Variants in SPTLC3 observed in about 807,000 individuals in gnomAD.
SPTLC3 encodes the protein serine palmitoyltransferase 3.
Under a neutral mutation model 59.3 loss-of-function variants are expected in SPTLC3, and 36 were observed. The ratio of observed to expected loss-of-function variants is 0.61; its 90% CI spans 0.47 to 0.80. The LOEUF (loss-of-function observed/expected upper bound fraction) is 0.80, where lower values mean the gene tolerates loss of function less well. Among genes scored for constraint, SPTLC3 ranks in the 30% least tolerant of loss-of-function variants. The pLI, the probability that SPTLC3 is intolerant of heterozygous loss-of-function variation, is 0.00. For missense variants in SPTLC3, 625 were observed against 685.1 expected (o/e 0.91, Z 0.98); for synonymous variants, 257 against 240.8 (o/e 1.07, Z -0.62).
chr20:13,134,131 T>C (rs2038189333), intron 9 of SPTLC3, among the ~76,000 whole-genome samples: 1 of 152,176 alleles, frequency 6.6e-6, no homozygotes, highest in South Asian at 2.1e-4. Context: ...AGCTACCATA[T>C]AACAATCCAC....
chr20:13,015,462 G>A (rs1282945718), intron 1 of SPTLC3, among the ~76,000 whole-genome samples: 2 of 152,076 alleles, frequency 1.3e-5, no homozygotes, highest in Admixed American at 1.3e-4. Context: ...TCAATTGGAA[G>A]GGAGTATGAA....
intron 4 of SPTLC3, among the ~76,000 whole-genome samples, chr20:13,079,252 G>C (rs1988756176): frequency 6.6e-6 from 1 of 152,038 alleles, no homozygotes. Flanking sequence ...GAGGTGGGTG[G>C]GTAGAAACTA....
At chr20:13,140,319 A>G (rs561604144) in intron 9 of SPTLC3, among the ~76,000 whole-genome samples, 120 of 152,294 alleles carry the variant, frequency 7.9e-4, no homozygotes, top group African/African-American at 2.8e-3. Context: ...CCAGTCACTC[A>G]CTCAGCTCTC....
chr20:13,078,094 T>C (rs998334752), intron 4 of SPTLC3, among the ~76,000 whole-genome samples: 3 of 148,506 alleles, frequency 2.0e-5, no homozygotes, highest in African/African-American at 7.3e-5. Flanking sequence ...ACTTTATATA[T>C]TTTATATATA....
intron 7 of SPTLC3, 100 bp from the exon 8 acceptor site, chr20:13,117,406 G>A (rs79018119): frequency 0.011 from 12,271 of 1,123,384 alleles, 377 homozygotes; most frequent in African/African-American, 0.1. Context: ...AAGGAATGGC[G>A]TGTGTCAGGG....
At chr20:13,012,404 G>A (rs1985303703) in intron 1 of SPTLC3, among the ~76,000 whole-genome samples, 1 of 152,048 alleles carries the variant, frequency 6.6e-6, no homozygotes, top group Non-Finnish European at 1.5e-5. Context: ...TTAAGCATCT[G>A]TTATTCTTAG....
intron 2 of SPTLC3, among the ~76,000 whole-genome samples, chr20:13,068,764 C>A (rs190278): frequency 0.013 from 1,461 of 113,960 alleles, 24 homozygotes; most frequent in African/African-American, 0.041. Flanking sequence ...AAAAAAAAAA[C>A]AACAACAACA....
At position 13,168,192 on chromosome 20, in the gene SPTLC3, T is replaced by G. The variant is rs1238254479; in HGVS notation, c.*3325T>G. 1.3e-5 allele frequency: 2 copies of G among 151,692 alleles called. No homozygotes were observed. Among genetic ancestry groups the G allele is most frequent in the Non-Finnish European group, 2.9e-5 (2 of 67,976 alleles). The allele number at this position is 151,692 out of a possible 1,614,324, so 9.4% of individuals were successfully genotyped here. On this transcript the variant is annotated 3_prime_UTR_variant, in exon 12 of 12. Coordinates refer to ENST00000399002, the MANE Select transcript of SPTLC3 (RefSeq NM_018327.4). ...CTTTTCTTTCTTTCTTTTTTTTTTT[T>G]TTTTTGAGACAGAGTTTTGTTCTTC...
chr20:13,032,805 C>T (rs544748015), intron 1 of SPTLC3, among the ~76,000 whole-genome samples: 40 of 152,292 alleles, frequency 2.6e-4, no homozygotes, highest in African/African-American at 8.7e-4. Flanking sequence ...CAGATCCTCA[C>T]TGTTTTGTTG....
chr20:13,037,926 C>T (rs1417953867), intron 1 of SPTLC3, among the ~76,000 whole-genome samples: 2 of 152,106 alleles, frequency 1.3e-5, no homozygotes, highest in East Asian at 1.9e-4. Flanking sequence ...CATACCAGCT[C>T]GTGACTGCCT....
chr20:13,154,030 A>G lies in SPTLC3; in HGVS notation c.1307A>G (p.Lys436Arg), dbSNP rs1568630968. The change falls in exon 10 of 12, where the codon AAA (lysine) becomes AGA (arginine). Residue 436 changes from lysine to arginine, a missense_variant. Coordinates refer to ENST00000399002, the MANE Select transcript of SPTLC3 (RefSeq NM_018327.4). ...QGLQRVQQLA[K>R]NTRYFRQRLQ... ...CTGCAGAGAGTACAGCAACTTGCGAAAAACACAAGATACTTCAGACAAAGA... is the reference window on the plus strand; with the variant it reads ...CTGCAGAGAGTACAGCAACTTGCGAGAAACACAAGATACTTCAGACAAAGA... 1.2e-6 allele frequency: 2 copies of G among 1,614,148 alleles called. No individual in the cohort carries two copies. Among genetic ancestry groups the G allele is most frequent in the Admixed American group, 1.7e-5 (1 of 60,020 alleles).
chr20:13,103,555 G>T (rs1421186620), intron 6 of SPTLC3, among the ~76,000 whole-genome samples: 4 of 152,210 alleles, frequency 2.6e-5, no homozygotes, highest in South Asian at 4.1e-4. Flanking sequence ...AACCCAGAGA[G>T]TAGGGAACCA....
At chr20:13,091,946 A>G (rs1020217617) in intron 5 of SPTLC3, among the ~76,000 whole-genome samples, 13 of 152,338 alleles carry the variant, frequency 8.5e-5, no homozygotes, top group Admixed American at 8.5e-4. Context: ...AAAGATGAAC[A>G]AGACCTATGT....
At chr20:13,139,175 T>C (rs893800154) in intron 9 of SPTLC3, among the ~76,000 whole-genome samples, 2 of 152,180 alleles carry the variant, frequency 1.3e-5, no homozygotes, top group African/African-American at 4.8e-5. Flanking sequence ...TTTTGTGACA[T>C]TACTTGGTGA....
At position 13,072,527 on chromosome 20, in the gene SPTLC3, C is replaced by T. The variant is rs1302153287; in HGVS notation, c.458+117C>T. Reference sequence around the variant, plus strand: ...GGCATGGAAGCCATTGGTTTTGTATCATTTATGCCTTTGCAAGCCCTCCTG... The same window carrying T: ...GGCATGGAAGCCATTGGTTTTGTATTATTTATGCCTTTGCAAGCCCTCCTG... On this transcript the variant is annotated intron_variant, in intron 3 of 11. Coordinates refer to ENST00000399002, the MANE Select transcript of SPTLC3 (RefSeq NM_018327.4). The T allele has an allele frequency of 7.8e-6, 9 of 1,159,846 alleles. No individual in the cohort carries two copies. The East Asian group carries it at 2.2e-4, about 29-fold the overall frequency. 71.8% of individuals were successfully genotyped at this position (1,159,846 alleles called of 1,614,324 possible).
At chr20:13,070,230 T>G (rs564969773) in intron 2 of SPTLC3, among the ~76,000 whole-genome samples, 1 of 152,230 alleles carries the variant, frequency 6.6e-6, no homozygotes, top group East Asian at 1.9e-4. Context: ...GCATTCAAGG[T>G]GAGACTTTTA....
Position 13,074,457 on chromosome 20 carries a change from G to A in SPTLC3, c.567G>A (p.Glu189=), listed in dbSNP as rs1445920936. 8.7e-6 allele frequency: 14 copies of A among 1,614,092 alleles called. No homozygotes were observed. Among genetic ancestry groups the A allele is most frequent in the Non-Finnish European group, 1.1e-5 (13 of 1,179,968 alleles). Reference sequence around the variant, plus strand: ...TGAGGACAATAAAGGATGTTTTAGAGGTGTATGGCACAGGCGTGGCCAGCA... The same window carrying A: ...TGAGGACAATAAAGGATGTTTTAGAAGTGTATGGCACAGGCGTGGCCAGCA... The part of the protein sequence containing the change: ...ESMRTIKDVL[E]VYGTGVASTR... Residue 189 remains glutamate (E), a synonymous_variant, in exon 4 of 12, where the codon GAG becomes GAA. Coordinates refer to ENST00000399002, the MANE Select transcript of SPTLC3 (RefSeq NM_018327.4).
intron 5 of SPTLC3, among the ~76,000 whole-genome samples, chr20:13,091,876 C>A (rs1203697453): frequency 1.3e-5 from 2 of 152,022 alleles, no homozygotes; most frequent in African/African-American, 4.8e-5. Flanking sequence ...TTTTTTCATT[C>A]AATAAACCAA....
intron 1 of SPTLC3, among the ~76,000 whole-genome samples, chr20:13,021,140 A>G (rs745393543): frequency 5.3e-5 from 8 of 152,050 alleles, no homozygotes; most frequent in African/African-American, 9.7e-5. Context: ...CTCTTTCTCA[A>G]AGCACATTCT....
Sources: gnomAD v4.1 joint callset for allele counts (sites outside exome capture counted in the v4.1 genomes callset) on GRCh38, gnomAD v4.1.1 for gene constraint, MANE v1.5 for transcripts, NCBI Gene and HGNC (gene_info 2026-07-23, HGNC 2026-07-21) for gene names.